Variants in CDH13 observed in about 807,000 individuals in gnomAD.
CDH13 encodes the protein cadherin 13.
Under a neutral mutation model 63.8 loss-of-function variants are expected in CDH13, and 24 were observed. The observed-to-expected ratio is 0.38, with a 90% CI of 0.27 to 0.53. CDH13 has a LOEUF of 0.53. Among genes scored for constraint, CDH13 ranks in the 20% least tolerant of loss-of-function variants. CDH13 has a pLI of 0.85. For missense variants in CDH13, 1,049 were observed against 903.1 expected (o/e 1.16, Z -2.07); for synonymous variants, 503 against 355.3 (o/e 1.42, Z -4.67).
chr16:83,751,745 G>C (rs1326685697), intron 11 of CDH13, among the ~76,000 whole-genome samples: 2 of 152,212 alleles, frequency 1.3e-5, no homozygotes, highest in East Asian at 1.9e-4. Flanking sequence ...ACAAATCTTT[G>C]TCAAGAGCTT....
At chr16:83,031,965 G>C in intron 2 of CDH13, 45 bp from the exon 3 acceptor site, 1 of 1,464,936 alleles carries the variant, frequency 6.8e-7, no homozygotes, top group South Asian at 1.2e-5. Context: ...GAGATAAGCT[G>C]CCCAACCTAC....
intron 6 of CDH13, among the ~76,000 whole-genome samples, chr16:83,383,443 G>C (rs1237184011): frequency 6.6e-6 from 1 of 152,114 alleles, no homozygotes; most frequent in Non-Finnish European, 1.5e-5. Flanking sequence ...CACAAGCCTT[G>C]ACTCACCTGC....
chr16:83,124,816 C>G (rs2035739989), intron 3 of CDH13, among the ~76,000 whole-genome samples: 1 of 152,056 alleles, frequency 6.6e-6, no homozygotes, highest in Non-Finnish European at 1.5e-5. Context: ...TGCCGACTTT[C>G]TTGAAGATCA....
chr16:82,901,125 C>G (rs749897074), intron 2 of CDH13, among the ~76,000 whole-genome samples: 21 of 150,362 alleles, frequency 1.4e-4, no homozygotes, highest in Admixed American at 7.3e-4. Context: ...AGCATGATCT[C>G]CTGGAATCTG....
At chr16:82,757,655 T>G (rs2034665754) in intron 1 of CDH13, among the ~76,000 whole-genome samples, 1 of 101,878 alleles carries the variant, frequency 9.8e-6, no homozygotes, top group African/African-American at 2.7e-5. Flanking sequence ...TTGTTTTTTT[T>G]TTTTTTGGGG....
At chr16:83,202,949 G>C (rs1199499408) in intron 4 of CDH13, among the ~76,000 whole-genome samples, 1 of 152,212 alleles carries the variant, frequency 6.6e-6, no homozygotes, top group Non-Finnish European at 1.5e-5. Context: ...TTTGGGGCCA[G>C]GTACAGTGGC....
chr16:83,530,182 C>T (rs1016674317), intron 7 of CDH13, among the ~76,000 whole-genome samples: 2 of 152,136 alleles, frequency 1.3e-5, no homozygotes, highest in African/African-American at 4.8e-5. Context: ...TGGTGCTATT[C>T]ATGATAATTT....
intron 2 of CDH13, among the ~76,000 whole-genome samples, chr16:82,973,725 A>T (rs547961971): frequency 8.5e-5 from 13 of 152,256 alleles, no homozygotes; most frequent in African/African-American, 2.9e-4. Flanking sequence ...ATTTCTTTTT[A>T]TTCTTCTATC....
rs56791322 is a variant in CDH13, at chr16:82,697,739, TTGTGTGTGTG to T, written c.45+70642_45+70651del. On this transcript the variant is annotated intron_variant, in intron 1 of 13. Transcript: ENST00000567109. Reference sequence around the variant, plus strand: ...CACCGCACCTGGCTGGGCCGAGGCATTGTGTGTGTGTGTGTGTGTGTGTGTGTGTGTGTGT... The same window carrying T: ...CACCGCACCTGGCTGGGCCGAGGCATTGTGTGTGTGTGTGTGTGTGTGTGT... 4.1e-3 allele frequency among the ~76,000 whole-genome samples: 599 copies of T among 146,686 alleles called. 3 individuals are homozygous for T. The highest frequency in any genetic ancestry group is 0.014 in the African/African-American group (536 of 38,488).
intron 3 of CDH13, among the ~76,000 whole-genome samples, chr16:83,058,873 C>G (rs1022961320): frequency 1.1e-4 from 16 of 152,156 alleles, no homozygotes; most frequent in Admixed American, 9.8e-4. Flanking sequence ...TCTAACAAGG[C>G]TTTGCAAGGA....
intron 2 of CDH13, among the ~76,000 whole-genome samples, chr16:83,019,950 T>A (rs1915193933): frequency 1.3e-5 from 2 of 152,166 alleles, no homozygotes; most frequent in Admixed American, 1.3e-4. Context: ...TTTATGTGCT[T>A]GACTTTTATG....
chr16:83,742,184 C>G (rs1912128088), intron 10 of CDH13, among the ~76,000 whole-genome samples: 1 of 152,234 alleles, frequency 6.6e-6, no homozygotes, highest in Non-Finnish European at 1.5e-5. Context: ...ACAGCTGGCC[C>G]TGGCCACTTG....
At chr16:83,408,031 G>A (rs568119347) in intron 6 of CDH13, among the ~76,000 whole-genome samples, 7 of 152,208 alleles carry the variant, frequency 4.6e-5, no homozygotes, top group South Asian at 2.1e-4. Context: ...TTAATGGAGC[G>A]GCTGTGTCTC....
At chr16:83,370,644 C>G (rs771183817) in intron 6 of CDH13, among the ~76,000 whole-genome samples, 6 of 152,032 alleles carry the variant, frequency 3.9e-5, no homozygotes, top group Non-Finnish European at 7.4e-5. Context: ...GTAGGTAGGC[C>G]CTGGTGACTG....
At chr16:82,872,868 T>C (rs996477708) in intron 2 of CDH13, among the ~76,000 whole-genome samples, 1 of 152,232 alleles carries the variant, frequency 6.6e-6, no homozygotes, top group Non-Finnish European at 1.5e-5. Flanking sequence ...GACCCTGTGC[T>C]AAGTATAAGG....
chr16:83,685,938 C>T (rs1230174488), intron 10 of CDH13, among the ~76,000 whole-genome samples: 1 of 152,180 alleles, frequency 6.6e-6, no homozygotes, highest in Non-Finnish European at 1.5e-5. Context: ...AATAATATGG[C>T]TACTAGGATG....
chr16:83,536,398 A>C (rs1198723519), intron 7 of CDH13, among the ~76,000 whole-genome samples: 1 of 152,108 alleles, frequency 6.6e-6, no homozygotes, highest in Non-Finnish European at 1.5e-5. Context: ...CCTTGGGGTG[A>C]ATCAAGAGGA....
chr16:83,664,199 C>G (rs1913717396), intron 8 of CDH13, among the ~76,000 whole-genome samples: 1 of 152,054 alleles, frequency 6.6e-6, no homozygotes, highest in Non-Finnish European at 1.5e-5. Context: ...ATGACTAGGA[C>G]TATGATGATC....
rs369126316 is a variant in CDH13 at position 83,797,224 on chromosome 16, G to A, written c.*2194G>A. 6.6e-6 allele frequency: 1 copy of A among 152,372 alleles called. No individual in the cohort carries two copies. The highest frequency in any genetic ancestry group is 1.9e-4 in the East Asian group (1 of 5,184). The allele number at this position is 152,372 out of a possible 1,614,324, so 9.4% of individuals were successfully genotyped here. On this transcript the variant is annotated 3_prime_UTR_variant, in exon 14 of 14. Transcript: ENST00000567109. The stretch of plus-strand genomic sequence containing the variant: ...ACATATGCTAACTGGCAATCAGGAA[G>A]TCACCCTCCAATGTAAACTTCAGCC...
Sources: gnomAD v4.1 joint callset for allele counts (sites outside exome capture counted in the v4.1 genomes callset) on GRCh38, gnomAD v4.1.1 for gene constraint, MANE v1.5 for transcripts, NCBI Gene and HGNC (gene_info 2026-07-23, HGNC 2026-07-21) for gene names.